Variants in FSTL4 observed in about 807,000 individuals in gnomAD.
FSTL4 encodes the protein follistatin-related protein 4.
A neutral mutation model predicts 78.2 loss-of-function variants in FSTL4; 28 were observed. The observed-to-expected ratio is 0.36, with a 90% confidence interval of 0.27 to 0.49. FSTL4 has a LOEUF of 0.49. Among genes scored for constraint, FSTL4 ranks in the 20% least tolerant of loss-of-function variants. The pLI is 0.98. For missense variants in FSTL4, 922 were observed against 1,084.9 expected, an observed-to-expected ratio of 0.85 and a Z score of 2.11; for synonymous variants, 422 against 440.5, an observed-to-expected ratio of 0.96 and a Z score of 0.53.
intron 3 of FSTL4, among the ~76,000 whole-genome samples, chr5:133,469,048 T>A (rs25878): frequency 1.3e-5 from 2 of 152,034 alleles, no homozygotes; most frequent in East Asian, 1.9e-4. Flanking sequence ...TGCACTGACC[T>A]CACAGAAGTC....
chr5:133,692,272 G>A, the FSTL4 span, among the ~76,000 whole-genome samples: 1 of 152,176 alleles, frequency 6.6e-6, no homozygotes, highest in Non-Finnish European at 1.5e-5. Flanking sequence ...CCCCCAAGAT[G>A]AGCCAAGTGC....
the FSTL4 span, among the ~76,000 whole-genome samples, chr5:133,669,386 C>T: frequency 2.6e-5 from 4 of 152,232 alleles, no homozygotes; most frequent in African/African-American, 4.8e-5. Flanking sequence ...AGCACTTCTT[C>T]ACAGCCTGAC....
chr5:133,277,879 C>T (rs550211016), intron 6 of FSTL4, among the ~76,000 whole-genome samples: 12 of 152,296 alleles, frequency 7.9e-5, no homozygotes, highest in African/African-American at 1.2e-4. Flanking sequence ...ACAGCCAGTC[C>T]GGAGTAGGTG....
intron 3 of FSTL4, among the ~76,000 whole-genome samples, chr5:133,474,999 T>G (rs1757901365): frequency 6.6e-6 from 1 of 152,174 alleles, no homozygotes; most frequent in Admixed American, 6.5e-5. Context: ...AAGGCTGTCC[T>G]CAGCAGAGAG....
chr5:133,389,937 AG>A (rs1472857940), intron 4 of FSTL4, among the ~76,000 whole-genome samples: 1 of 152,226 alleles, frequency 6.6e-6, no homozygotes, highest in Non-Finnish European at 1.5e-5. Context: ...GGTGTATTGG[AG>A]GAAAAGTCAG....
At chr5:133,644,211 G>A in the FSTL4 span, among the ~76,000 whole-genome samples, 2 of 152,156 alleles carry the variant, frequency 1.3e-5, no homozygotes, top group South Asian at 4.1e-4. Flanking sequence ...CCTTCTGGTC[G>A]CTAGAGTCCG....
At chr5:133,508,795 T>C (rs1758665296) in intron 3 of FSTL4, among the ~76,000 whole-genome samples, 1 of 152,256 alleles carries the variant, frequency 6.6e-6, no homozygotes, top group Admixed American at 6.5e-5. Flanking sequence ...ATCTGTTTAA[T>C]GCAAACTGCT....
the FSTL4 span, among the ~76,000 whole-genome samples, chr5:133,817,348 C>A: frequency 6.6e-6 from 1 of 152,166 alleles, no homozygotes; most frequent in Non-Finnish European, 1.5e-5. Context: ...CAGTCACAGT[C>A]CGGTCAAGGA....
chr5:133,410,327 G>A (rs73788076), intron 3 of FSTL4, among the ~76,000 whole-genome samples: 1,638 of 152,168 alleles, frequency 0.011, 29 homozygotes, highest in African/African-American at 0.037. Flanking sequence ...CAGGTACTTA[G>A]CTCCTTTGTC....
chr5:133,839,086 CTG>C, the FSTL4 span, among the ~76,000 whole-genome samples: 4 of 152,222 alleles, frequency 2.6e-5, no homozygotes, highest in African/African-American at 9.7e-5. Context: ...ACTGCCGTGA[CTG>C]TGTTCTAATG....
chr5:133,411,652 T>C (rs1254509313), intron 3 of FSTL4, among the ~76,000 whole-genome samples: 2 of 152,160 alleles, frequency 1.3e-5, no homozygotes, highest in African/African-American at 4.8e-5. Flanking sequence ...CTGTTTCCAA[T>C]TAAAATCAGG....
chr5:133,621,930 A>G, the FSTL4 span, among the ~76,000 whole-genome samples: 366 of 152,250 alleles, frequency 2.4e-3, 10 homozygotes, highest in East Asian at 0.06. Context: ...CAACTTGAAA[A>G]ACCATAGTAC....
chr5:133,583,703 G>T, intron 2 of FSTL4: 1 of 31,294 alleles, frequency 3.2e-5, no homozygotes, highest in South Asian at 9.3e-4. Flanking sequence ...ACTGCAAGGC[G>T]GCAACGAGGC....
intron 14 of FSTL4, among the ~76,000 whole-genome samples, chr5:133,204,925 G>GT (rs768826799): frequency 1.3e-5 from 2 of 151,954 alleles, no homozygotes; most frequent in Non-Finnish European, 2.9e-5. Context: ...TCCAGGAGCA[G>GT]TTTTTGTGAG....
the FSTL4 span, among the ~76,000 whole-genome samples, chr5:133,726,572 G>T: frequency 6.6e-6 from 1 of 152,166 alleles, no homozygotes; most frequent in African/African-American, 2.4e-5. Context: ...GCACAGAGGG[G>T]GTTTTTGTGG....
At chr5:133,261,813 A>G (rs1752530613) in intron 6 of FSTL4, among the ~76,000 whole-genome samples, 1 of 152,134 alleles carries the variant, frequency 6.6e-6, no homozygotes, top group Non-Finnish European at 1.5e-5. Context: ...CAACATGGCG[A>G]AACTCCATCT....
intron 4 of FSTL4, among the ~76,000 whole-genome samples, chr5:133,386,371 A>C (rs1214966930): frequency 6.6e-6 from 1 of 152,156 alleles, no homozygotes; most frequent in Non-Finnish European, 1.5e-5. Context: ...GCCTTCACTC[A>C]AGTTCTTTCC....
chr5:133,532,590 C>T (rs1172701156), intron 3 of FSTL4, among the ~76,000 whole-genome samples: 1 of 152,124 alleles, frequency 6.6e-6, no homozygotes, highest in Non-Finnish European at 1.5e-5. Flanking sequence ...TCTCATGAGC[C>T]ACTCATAAAC....
intron 2 of FSTL4, among the ~76,000 whole-genome samples, chr5:133,571,356 T>C (rs1343033175): frequency 6.6e-6 from 1 of 152,182 alleles, no homozygotes; most frequent in Non-Finnish European, 1.5e-5. Context: ...CTTTACAATT[T>C]TTCATATATA....
Sources: gnomAD v4.1 joint callset for allele counts (sites outside exome capture counted in the v4.1 genomes callset) on GRCh38, gnomAD v4.1.1 for gene constraint, MANE v1.5 for transcripts, NCBI Gene and HGNC (gene_info 2026-07-23, HGNC 2026-07-21) for gene names.